The following ICA1 variants were observed in gnomAD, a reference collection of about 807,000 sequenced individuals.
The protein encoded by ICA1 is islet cell autoantigen 1.
In ICA1, 40 loss-of-function variants were observed where a neutral mutation model predicts 71.0. The observed-to-expected ratio is 0.56, with a 90% confidence interval of 0.44 to 0.73. The LOEUF (loss-of-function observed/expected upper bound fraction) is 0.73. Ranked by LOEUF, ICA1 falls within the 30% of genes least tolerant of loss-of-function variation. ICA1 has a pLI of 0.00. For missense variants in ICA1, 578 were observed against 576.5 expected, an observed-to-expected ratio of 1.00 and a Z score of -0.03; for synonymous variants, 207 against 209.5, an observed-to-expected ratio of 0.99 and a Z score of 0.10.
chr7:8,155,207 A>C (rs1240016631), intron 8 of ICA1, among the ~76,000 whole-genome samples: 2 of 152,220 alleles, frequency 1.3e-5, no homozygotes, highest in African/African-American at 4.8e-5. Context: ...TACTAAGATT[A>C]TATCACAATT....
In ICA1 at chr7:8,147,687, A is replaced by AACACACACAC. The variant is rs71014764; in HGVS notation, c.805-3725_805-3716dup. On this transcript the variant is annotated intron_variant, in intron 8 of 13. Coordinates refer to ENST00000402384, the MANE Select transcript of ICA1 (RefSeq NM_001136020.3). ...AATATTAGAATTTTGAGCCAAGGGG[A>AACACACACAC]ACACACACACACACACACACACACA... Among the ~76,000 whole-genome samples the AACACACACAC allele has an allele frequency of 2.6e-3, 385 of 145,404 alleles. 3 individuals carry two copies. Among genetic ancestry groups the AACACACACAC allele is most frequent in the Middle Eastern group, 0.01 (3 of 290 alleles).
Position 8,224,336 on chromosome 7 carries a change from G to C in ICA1, c.257-2938C>G, listed in dbSNP as rs151255106. Among the ~76,000 whole-genome samples the C allele has an allele frequency of 1.1e-3, 161 of 152,220 alleles. 1 individual carries two copies. The highest frequency in any genetic ancestry group is 3.8e-3 in the African/African-American group (157 of 41,496). ...TGGGAGTTTGGTGGACAAGGGAAAA[G>C]GTGACTGAAGAGGTGAACTGGGGCC... On this transcript the variant is annotated intron_variant, in intron 4 of 13. Transcript: ENST00000402384.
chr7:8,208,916 C>G (rs1792611697), intron 6 of ICA1, among the ~76,000 whole-genome samples: 2 of 152,108 alleles, frequency 1.3e-5, no homozygotes, highest in African/African-American at 4.8e-5. Flanking sequence ...CTGAGGAGCC[C>G]TTGTTAAGAG....
chr7:8,167,015 T>C (rs1806253531), intron 6 of ICA1, among the ~76,000 whole-genome samples: 4 of 152,182 alleles, frequency 2.6e-5, no homozygotes, highest in African/African-American at 9.7e-5. Flanking sequence ...AATGTGTATA[T>C]ACTGCTGGTG....
intron 6 of ICA1, among the ~76,000 whole-genome samples, chr7:8,170,365 A>G (rs1208299578): frequency 1.3e-5 from 2 of 152,096 alleles, no homozygotes; most frequent in East Asian, 3.9e-4. Flanking sequence ...TCAGCTTGTC[A>G]ATTTCTACAA....
chr7:8,144,003 G>GAA lies in ICA1; in HGVS notation c.805-33_805-32dup. 9.2e-7 allele frequency: 1 copy of GAA among 1,083,560 alleles called. No individual in the cohort carries two copies. Among genetic ancestry groups the GAA allele is most frequent in the Non-Finnish European group, 1.3e-6 (1 of 753,414 alleles). The allele number at this position is 1,083,560 out of a possible 1,614,324, so 67.1% of individuals were successfully genotyped here. A position where few individuals can be genotyped will look rare whatever the true frequency, so the allele number is the denominator to read the frequency against. On this transcript the variant is annotated intron_variant, in intron 8 of 13. Coordinates refer to ENST00000402384, the MANE Select transcript of ICA1 (RefSeq NM_001136020.3). This position sits in a 1 kb window ranked among gnomAD's most constrained non-coding sequence, Gnocchi z 4.5. ...TCACGAGCCATAGAAAAATGAAAAAGAAAAAAAAAGAAGAAGAAATAGAGA... is the reference window on the plus strand; with the variant it reads ...TCACGAGCCATAGAAAAATGAAAAAGAAAAAAAAAAAGAAGAAGAAATAGAGA...
Position 8,144,083 on chromosome 7 carries a change from A to C in ICA1, c.805-111T>G. The C allele has an allele frequency of 1.5e-6, 1 of 658,696 alleles. No individual in the cohort carries two copies. Among genetic ancestry groups the C allele is most frequent in the Non-Finnish European group, 2.6e-6 (1 of 385,538 alleles). The allele number at this position is 658,696 out of a possible 1,614,324, so 40.8% of individuals were successfully genotyped here. A position where few individuals can be genotyped will look rare whatever the true frequency, so the allele number is the denominator to read the frequency against. On this transcript the variant is annotated intron_variant, in intron 8 of 13. Coordinates refer to ENST00000402384, the MANE Select transcript of ICA1 (RefSeq NM_001136020.3). This position sits in a 1 kb window ranked among gnomAD's most constrained non-coding sequence, Gnocchi z 4.5. ...AAAAAATTCAACTGCCATTTGTCCC[A>C]GCAACCAAACTTTGAATTACAGGTA...
rs1232163183 is a variant in ICA1, at chr7:8,225,544, G to A, written c.256+3057C>T. 6.6e-5 allele frequency among the ~76,000 whole-genome samples: 10 copies of A among 152,254 alleles called. No homozygotes were observed. In the South Asian group the frequency reaches 2.1e-3, roughly 32 times the overall value. ...GGAGCATTTCTTTTACTGGGAAAAG[G>A]TATTTAGAAAGCAAGATCTGGGTGC... On this transcript the variant is annotated intron_variant, in intron 4 of 13. Transcript: ENST00000402384.
At chr7:8,250,630 T>A (rs542226769) in intron 1 of ICA1, among the ~76,000 whole-genome samples, 1 of 152,160 alleles carries the variant, frequency 6.6e-6, no homozygotes, top group African/African-American at 2.4e-5. Context: ...GCCTGGGTGA[T>A]TGAGTGACTA....
chr7:8,188,225 T>C (rs1365890754), intron 6 of ICA1, among the ~76,000 whole-genome samples: 1 of 152,252 alleles, frequency 6.6e-6, no homozygotes, highest in Non-Finnish European at 1.5e-5. Flanking sequence ...ATAAATAAGA[T>C]ACTTTGAGAG....
At chr7:8,231,335 T>G (rs1800219518) in intron 3 of ICA1, among the ~76,000 whole-genome samples, 2 of 151,966 alleles carry the variant, frequency 1.3e-5, no homozygotes, top group African/African-American at 2.4e-5. Context: ...GGCCAGTGGG[T>G]CAGGAGCTTT....
chr7:8,185,466 C>T (rs1227236198), intron 6 of ICA1, among the ~76,000 whole-genome samples: 1 of 152,190 alleles, frequency 6.6e-6, no homozygotes, highest in Non-Finnish European at 1.5e-5. Flanking sequence ...CTGTCTGGAC[C>T]AGCAACATCA....
chr7:8,212,286 C>G (rs1242678475), intron 6 of ICA1, among the ~76,000 whole-genome samples: 1 of 152,142 alleles, frequency 6.6e-6, no homozygotes, highest in East Asian at 1.9e-4. Flanking sequence ...ATACTAAGGC[C>G]AGGCACTGTG....
chr7:8,197,913 T>A lies in ICA1; in HGVS notation c.579+20392A>T, dbSNP rs555728189. On this transcript the variant is annotated intron_variant, in intron 6 of 13. Transcript: ENST00000402384. ...TGGATACCTTTGGAAGTGGAAGTGA[T>A]AGGATGGAATGGATGTTAGGGAATC... is the stretch of plus-strand genomic sequence containing the variant. 2.0e-5 allele frequency among the ~76,000 whole-genome samples: 3 copies of A among 152,352 alleles called. 1 individual carries two copies. The highest frequency in any genetic ancestry group is 6.8e-3 in the Middle Eastern group (2 of 294).
At chr7:8,135,412 T>C (rs772464876) in intron 12 of ICA1, among the ~76,000 whole-genome samples, 3 of 147,448 alleles carry the variant, frequency 2.0e-5, no homozygotes, top group Non-Finnish European at 4.5e-5. Flanking sequence ...AGTATTTGGT[T>C]AAAAAAAAAA....
chr7:8,233,046 A>G (rs2128463745), intron 2 of ICA1, among the ~76,000 whole-genome samples: 1 of 152,322 alleles, frequency 6.6e-6, no homozygotes, highest in South Asian at 2.1e-4. Context: ...CCCCTTTTAG[A>G]GGTGGAGACA....
At chr7:8,152,107 C>T (rs1243537618) in intron 8 of ICA1, among the ~76,000 whole-genome samples, 1 of 152,084 alleles carries the variant, frequency 6.6e-6, no homozygotes, top group Non-Finnish European at 1.5e-5. Context: ...TTCTGTAAGC[C>T]CAGACCAAGG....
Position 8,128,118 on chromosome 7 carries a change from G to A in ICA1, c.1085C>T (p.Thr362Ile). 1 of 1,614,134 alleles carries A rather than the reference G, an allele frequency of 6.2e-7. No individual in the cohort carries two copies. ...TTTGTCAGCACCTTCAGGTTCCGGG[G>A]TCCCTGCCACTGGTCCCAGGCAAGC... is the stretch of plus-strand genomic sequence containing the variant. ...EGACLGPVAG[T>I]PEPEGADKDD... Residue 362 changes from threonine (T) to isoleucine (I), a missense_variant, in exon 13 of 14, where the codon ACC (threonine) becomes ATC (isoleucine). Transcript: ENST00000402384.
intron 1 of ICA1, among the ~76,000 whole-genome samples, chr7:8,239,595 T>C (rs960603922): frequency 3.3e-5 from 5 of 152,312 alleles, no homozygotes; most frequent in Non-Finnish European, 5.9e-5. Context: ...GGGCAGGGCA[T>C]CTTCTCACCC....
Sources: allele counts gnomAD v4.1 joint callset (sites outside exome capture counted in the v4.1 genomes callset), GRCh38; gene constraint gnomAD v4.1.1; non-coding constraint Gnocchi (gnomAD v3.1); transcripts MANE v1.5; gene names NCBI Gene and HGNC (gene_info 2026-07-23, HGNC 2026-07-21).